OTOF: variants seen among roughly 807,000 people sequenced by gnomAD.
The protein encoded by OTOF is otoferlin.
OTOF carries 218 observed loss-of-function variants against 236.8 expected under a neutral mutation model. The ratio of observed to expected loss-of-function variants is 0.92; its 90% CI spans 0.82 to 1.03. OTOF has a LOEUF of 1.03. Among genes scored for constraint, OTOF ranks in the 50% least tolerant of loss-of-function variants. The pLI, the probability that OTOF is intolerant of heterozygous loss-of-function variation, is 0.00. For missense variants in OTOF, 2,590 were observed against 2,694.4 expected, an observed-to-expected ratio of 0.96 and a Z score of 0.86; for synonymous variants, 1,041 against 1,072.5, an observed-to-expected ratio of 0.97 and a Z score of 0.57.
intron 1 of OTOF, among the ~76,000 whole-genome samples, chr2:26,554,165 CAAAAA>C (rs34196608): frequency 1.3e-5 from 1 of 79,594 alleles, no homozygotes; most frequent in African/African-American, 5.2e-5. Flanking sequence ...GAGCGAGACT[CAAAAA>C]AAAAAAAAAA....
In OTOF at chr2:26,461,412, G is replaced by A. The variant is rs754648374; in HGVS notation, c.5533+284C>T. On this transcript the variant is annotated intron_variant, in intron 43 of 46. Transcript: ENST00000272371. The surrounding 1 kb of genome is among the most constrained non-coding windows in gnomAD (Gnocchi z 6.2). ...AACCTGAGGCCCAGGGAGGTTTCCC[G>A]ACTCCCTTAGGGAGCCTCTCCCCTC... Among the ~76,000 whole-genome samples the A allele has an allele frequency of 6.6e-6, 1 of 152,122 alleles. No homozygotes were observed. The highest frequency in any genetic ancestry group is 1.5e-5 in the Non-Finnish European group (1 of 67,992).
Position 26,473,929 on chromosome 2 carries a change from T to C in OTOF, c.3408+62A>G. The C allele has an allele frequency of 6.2e-7, 1 of 1,605,986 alleles. No homozygotes were observed. The highest frequency in any genetic ancestry group is 8.5e-7 in the Non-Finnish European group (1 of 1,174,186). On this transcript the variant is annotated intron_variant, in intron 27 of 46. Coordinates refer to ENST00000272371, the MANE Select transcript of OTOF (RefSeq NM_194248.3). This position sits in a 1 kb window ranked among gnomAD's most constrained non-coding sequence, Gnocchi z 7.2. ...TGGTGGGAGGGGGATGACAAGCCAC[T>C]TCCCCTCCTGGGTCCTCAGACTCCT...
chr2:26,542,166 G>A (rs908953138), intron 1 of OTOF, among the ~76,000 whole-genome samples: 8 of 152,332 alleles, frequency 5.3e-5, no homozygotes, highest in African/African-American at 1.7e-4. Flanking sequence ...GGGACAAAAT[G>A]TTCCATCTGC....
In OTOF at chr2:26,473,371, G is replaced by T; in HGVS notation, c.3570+35C>A. The T allele has an allele frequency of 6.2e-7, 1 of 1,613,234 alleles. No individual in the cohort carries two copies. Among genetic ancestry groups the T allele is most frequent in the Non-Finnish European group, 8.5e-7 (1 of 1,179,936 alleles). ...CGGCTGGCTGAGTGGAGCCACACTG[G>T]CCACAGGATGTCCTCCGCCAGGGCC... On this transcript the variant is annotated intron_variant, in intron 28 of 46. Coordinates refer to ENST00000272371, the MANE Select transcript of OTOF (RefSeq NM_194248.3). This position sits in a 1 kb window ranked among gnomAD's most constrained non-coding sequence, Gnocchi z 7.2.
intron 3 of OTOF, among the ~76,000 whole-genome samples, chr2:26,521,676 C>G (rs1297796342): frequency 2.0e-5 from 3 of 152,242 alleles, no homozygotes; most frequent in Non-Finnish European, 4.4e-5. Context: ...AAATCCCCTA[C>G]TCTTCCTACC....
In OTOF at chr2:26,477,213, A is replaced by T. The variant is rs1414696657; in HGVS notation, c.2482T>A (p.Cys828Ser). 1 of 1,610,850 alleles carries T rather than the reference A, an allele frequency of 6.2e-7. No homozygotes were observed. The highest frequency in any genetic ancestry group is 2.2e-5 in the East Asian group (1 of 44,856). ...CGCAGCTTCTGCAGGAAGTTCTGGC[A>T]CAGCCTCAGCTTGTCCCGCACCGTG... The part of the protein sequence containing the change: ...RHTVRDKLRL[C>S]QNFLQKLRFL... The change falls in exon 21 of 47, where the codon TGC becomes AGC. Residue 828 changes from cysteine to serine, a missense_variant. By Grantham distance (112) the Cys-to-Ser change is moderately radical. Around this residue, in one of 2 missense-constraint regions of OTOF, gnomAD observed 1,379 missense variants for 1,341.6 expected, o/e 1.03. Transcript: ENST00000272371. This position sits in a 1 kb window ranked among gnomAD's most constrained non-coding sequence, Gnocchi z 4.7.
intron 46 of OTOF, among the ~76,000 whole-genome samples, 156 bp downstream of exon 46, chr2:26,459,852 T>C (rs1664372634): frequency 6.6e-6 from 1 of 150,484 alleles, no homozygotes; most frequent in Non-Finnish European, 1.5e-5. Context: ...TGCATGTGTA[T>C]GCACTTGTGC....
intron 1 of OTOF, among the ~76,000 whole-genome samples, chr2:26,551,374 A>G (rs1667458878): frequency 6.6e-6 from 1 of 151,466 alleles, no homozygotes; most frequent in African/African-American, 2.4e-5. Context: ...CTCAATAAAA[A>G]CTCCTGACTC....
intron 8 of OTOF, among the ~76,000 whole-genome samples, chr2:26,499,408 A>G (rs548374227): frequency 1.3e-5 from 2 of 152,260 alleles, no homozygotes; most frequent in African/African-American, 4.8e-5. Flanking sequence ...CATCTCACCA[A>G]CGAGGTGTCC....
chr2:26,496,058 G>A (rs901325615), intron 8 of OTOF, among the ~76,000 whole-genome samples: 2 of 152,062 alleles, frequency 1.3e-5, no homozygotes, highest in East Asian at 3.9e-4. Flanking sequence ...TGTATGTTGT[G>A]TGCACTCTGC....
At chr2:26,516,365 CTCTTCCCCG>C in intron 5 of OTOF, 44 bp downstream of exon 5, 1 of 1,548,360 alleles carries the variant, frequency 6.5e-7, no homozygotes, top group Non-Finnish European at 8.9e-7. Context: ...GGCCCCAGGT[CTCTTCCCCG>C]TGTCTTGGGA....
chr2:26,483,109 G>A (rs1665605986), intron 13 of OTOF, among the ~76,000 whole-genome samples: 1 of 151,454 alleles, frequency 6.6e-6, no homozygotes. Flanking sequence ...GTATTCGTGG[G>A]TGCACGTGTG....
intron 1 of OTOF, among the ~76,000 whole-genome samples, chr2:26,551,525 C>T (rs2148136202): frequency 6.6e-6 from 1 of 152,318 alleles, no homozygotes; most frequent in East Asian, 1.9e-4. Context: ...AAGTGGGTTT[C>T]CTCACCATGA....
chr2:26,536,350 G>A (rs1226324005), intron 2 of OTOF, among the ~76,000 whole-genome samples: 1 of 152,184 alleles, frequency 6.6e-6, no homozygotes, highest in Admixed American at 6.5e-5. Context: ...AGAAGGTAAG[G>A]ACAGAAACTT....
chr2:26,502,552 G>A, intron 6 of OTOF, 126 bp from the exon 7 acceptor site: 1 of 946,192 alleles, frequency 1.1e-6, no homozygotes, highest in Non-Finnish European at 1.6e-6. Flanking sequence ...CTACCGCTTA[G>A]AATATTATGG....
rs1360356920 is a variant in OTOF at position 26,459,940 on chromosome 2, GTA to G, written c.*17+66_*17+67del. ...TATTTGTGTTTGTGGATGTGTGCGT[GTA>G]TATGTGTGTGTGTGCACGCGCCTGC... On this transcript the variant is annotated intron_variant, in intron 46 of 46. Coordinates refer to ENST00000272371, the MANE Select transcript of OTOF (RefSeq NM_194248.3). 3.1e-4 allele frequency: 429 copies of G among 1,405,378 alleles called. 8 individuals are homozygous for G. The South Asian group carries it at 5.1e-3, about 17-fold the overall frequency. The allele number at this position is 1,405,378 out of a possible 1,614,324, so 87.1% of individuals were successfully genotyped here.
chr2:26,462,191 G>C lies in OTOF; in HGVS notation c.5193-10C>G, dbSNP rs766978792. 6.2e-7 allele frequency: 1 copy of C among 1,612,874 alleles called. No homozygotes were observed. Among genetic ancestry groups the C allele is most frequent in the Non-Finnish European group, 8.5e-7 (1 of 1,178,930 alleles). ...GACCCGCAGCTCGTACCTGGGCCCA[G>C]GGAGAGAAGGCTGGTTAGCAGCCCC... On this transcript the variant is annotated splice_polypyrimidine_tract_variant and intron_variant, in intron 41 of 46. Coordinates refer to ENST00000272371, the MANE Select transcript of OTOF (RefSeq NM_194248.3). The surrounding 1 kb of genome is among the most constrained non-coding windows in gnomAD (Gnocchi z 4.7).
rs141463872 is a variant in OTOF, at chr2:26,489,678, C to T, written c.960G>A (p.Ser320=). The T allele has an allele frequency of 9.4e-5, 151 of 1,612,382 alleles. 1 individual carries two copies. The highest frequency in any genetic ancestry group is 1.2e-4 in the Non-Finnish European group (136 of 1,179,500). The change falls in exon 10 of 47, where the codon TCG becomes TCA. Residue 320 remains serine (S), a splice_region_variant and synonymous_variant. Coordinates refer to ENST00000272371, the MANE Select transcript of OTOF (RefSeq NM_194248.3). ...DVMFDKIIKI[S]VIHSKNLLRS... is the part of the protein sequence containing the mutation. ...CGGCCAGGGGCTGCTCCCCACTCAC[C>T]GAAATCTTGATGATCTTGTCAAACA...
At chr2:26,526,257 AATGGATGG>A (rs112692122) in intron 3 of OTOF, among the ~76,000 whole-genome samples, 1 of 151,052 alleles carries the variant, frequency 6.6e-6, no homozygotes, top group Non-Finnish European at 1.5e-5. Context: ...AGGATGGGTG[AATGGATGG>A]ATGGATGGAT....
Sources: gnomAD v4.1 joint callset for allele counts (sites outside exome capture counted in the v4.1 genomes callset) on GRCh38, gnomAD v4.1.1 for gene constraint, gnomAD v4.1.1 regional missense constraint, Gnocchi (gnomAD v3.1) non-coding constraint, MANE v1.5 for transcripts, NCBI Gene and HGNC (gene_info 2026-07-23, HGNC 2026-07-21) for gene names.